The following DMD variants were observed in gnomAD, a reference collection of about 807,000 sequenced individuals.
The protein encoded by DMD is mutant dystrophin.
In DMD, 63 loss-of-function variants were observed where a neutral mutation model predicts 330.1. That is an observed-to-expected ratio of 0.19 (90% CI 0.16 to 0.24). The LOEUF (loss-of-function observed/expected upper bound fraction) is 0.24, where lower values mean the gene tolerates loss of function less well. Among genes scored for constraint, DMD ranks in the 10% least tolerant of loss-of-function variants. The pLI, the probability that DMD is intolerant of heterozygous loss-of-function variation, is 1.00. For synonymous variants in DMD, 1,223 were observed against 959.8 expected, an observed-to-expected ratio of 1.27 and a Z score of -5.07; for missense variants, 3,344 against 2,684.1, an observed-to-expected ratio of 1.25 and a Z score of -5.43.
intron 2 of DMD, among the ~76,000 whole-genome samples, chrX:32,877,439 T>A (rs2083462326): frequency 8.9e-6 from 1 of 112,603 alleles, no homozygotes; most frequent in South Asian, 3.6e-4. Flanking sequence ...TAGAAAATAT[T>A]TTTTCTTTTA....
At chrX:32,225,827 T>C (rs1046659820) in intron 43 of DMD, among the ~76,000 whole-genome samples, 1 of 110,348 alleles carries the variant, frequency 9.1e-6, no homozygotes, top group Non-Finnish European at 1.9e-5. Flanking sequence ...GAAACAGATG[T>C]TGCTATGCTT....
chrX:32,483,146 CATATAT>C lies in DMD; in HGVS notation c.2803+1767_2803+1772del, dbSNP rs201134649. On this transcript the variant is annotated intron_variant, in intron 21 of 78. Transcript: ENST00000357033. ...ATTTCATATGCTACATTTTTCATTC[CATATAT>C]ATATATATATATACACCATATTTAA... 6.1e-4 allele frequency among the ~76,000 whole-genome samples: 24 copies of C among 39,266 alleles called. 3 individuals carry two copies. Among genetic ancestry groups the C allele is most frequent in the African/African-American group, 1.1e-3 (17 of 15,783 alleles). 34.1% of individuals were successfully genotyped at this position (39,266 alleles called of 115,157 possible). A position where few individuals can be genotyped will look rare whatever the true frequency, so the allele number is the denominator to read the frequency against.
chrX:31,536,353 G>A (rs753796787), intron 55 of DMD, among the ~76,000 whole-genome samples: 11 of 111,246 alleles, frequency 9.9e-5, no homozygotes, highest in Non-Finnish European at 1.9e-4. Flanking sequence ...TAAAAAATTC[G>A]GGACTGTTTA....
intron 41 of DMD, among the ~76,000 whole-genome samples, chrX:32,315,370 TG>T (rs1316184907): frequency 1.1e-4 from 12 of 108,516 alleles, no homozygotes; most frequent in African/African-American, 4.0e-4. Flanking sequence ...TGTTGGCGGG[TG>T]GGGGGCAAGG....
At chrX:32,081,718 G>T (rs750415248) in intron 44 of DMD, among the ~76,000 whole-genome samples, 1 of 111,025 alleles carries the variant, frequency 9.0e-6, no homozygotes, top group Non-Finnish European at 1.9e-5. Flanking sequence ...GCCAGGCGTG[G>T]TAGTACTTGC....
At chrX:32,269,285 T>C (rs1199866935) in intron 43 of DMD, among the ~76,000 whole-genome samples, 3 of 111,102 alleles carry the variant, frequency 2.7e-5, no homozygotes, top group East Asian at 2.9e-4. Context: ...AAGGGAAGAA[T>C]TGGGGAGAAG....
chrX:31,536,471 G>A, intron 55 of DMD, among the ~76,000 whole-genome samples: 1 of 111,646 alleles, frequency 9.0e-6, no homozygotes, highest in Non-Finnish European at 1.9e-5. Flanking sequence ...ACTTGAAACT[G>A]CAAACAGAAT....
At chrX:31,674,458 G>C (rs2081972994) in intron 53 of DMD, among the ~76,000 whole-genome samples, 1 of 112,163 alleles carries the variant, frequency 8.9e-6, no homozygotes, top group African/African-American at 3.2e-5. Flanking sequence ...GAAAAGTATT[G>C]AATTTCTTGC....
intron 18 of DMD, among the ~76,000 whole-genome samples, chrX:32,511,774 T>C (rs1603635199): frequency 9.0e-6 from 1 of 111,353 alleles, no homozygotes. Context: ...TACATGCATA[T>C]ACATTTTTAA....
At chrX:32,351,469 C>A (rs1244822446) in intron 37 of DMD, among the ~76,000 whole-genome samples, 1 of 107,348 alleles carries the variant, frequency 9.3e-6, no homozygotes, top group African/African-American at 3.4e-5. Flanking sequence ...CACAGCCTTG[C>A]ATTTAGTTTA....
intron 44 of DMD, among the ~76,000 whole-genome samples, chrX:32,126,791 T>A (rs190592448): frequency 5.5e-4 from 62 of 111,767 alleles, no homozygotes; most frequent in African/African-American, 1.7e-3. Flanking sequence ...TTGGGGGATA[T>A]TAAGAGATCT....
intron 1 of DMD, among the ~76,000 whole-genome samples, chrX:33,067,001 C>T (rs752565968): frequency 8.9e-6 from 1 of 112,063 alleles, no homozygotes; most frequent in East Asian, 2.8e-4. Context: ...GACAGCTATT[C>T]ACAGGCCATC....
chrX:32,972,331 C>A (rs1055149713), intron 2 of DMD, among the ~76,000 whole-genome samples: 1 of 110,288 alleles, frequency 9.1e-6, no homozygotes, highest in Non-Finnish European at 1.9e-5. Context: ...GCATGCACCA[C>A]GACGCTCTGT....
At chrX:32,950,123 A>G (rs73466879) in intron 2 of DMD, among the ~76,000 whole-genome samples, 6,100 of 110,648 alleles carry the variant, frequency 0.055, 133 homozygotes, top group South Asian at 0.082. Context: ...TTATGTAGAC[A>G]GTAGTTGTGG....
intron 25 of DMD, 119 bp downstream of exon 25, chrX:32,463,320 G>T (rs937797054): frequency 1.2e-5 from 7 of 579,087 alleles, no homozygotes; most frequent in African/African-American, 1.2e-4. Flanking sequence ...AGAATTAATT[G>T]TGCTTTAAAG....
intron 1 of DMD, among the ~76,000 whole-genome samples, chrX:33,022,107 C>T (rs1481466125): frequency 9.0e-6 from 1 of 111,041 alleles, no homozygotes. Flanking sequence ...TTTGCAATTC[C>T]ACTTATATTT....
chrX:32,085,618 G>A (rs1346810001), intron 44 of DMD, among the ~76,000 whole-genome samples: 39 of 77,818 alleles, frequency 5.0e-4, no homozygotes, highest in African/African-American at 1.6e-3. Context: ...ATATATATAC[G>A]TATATATATA....
intron 52 of DMD, among the ~76,000 whole-genome samples, chrX:31,697,796 C>T (rs1199897568): frequency 1.8e-5 from 2 of 111,848 alleles, no homozygotes; most frequent in African/African-American, 6.5e-5. Context: ...CTGTACAGCA[C>T]GAGAATTAGA....
intron 51 of DMD, among the ~76,000 whole-genome samples, chrX:31,744,854 A>C (rs2087692236): frequency 8.9e-6 from 1 of 112,258 alleles, no homozygotes; most frequent in Non-Finnish European, 1.9e-5. Context: ...TGCATAACAC[A>C]TCACAGTAGG....
Sources: gnomAD v4.1 joint callset for allele counts (sites outside exome capture counted in the v4.1 genomes callset) on GRCh38, gnomAD v4.1.1 for gene constraint, MANE v1.5 for transcripts, NCBI Gene and HGNC (gene_info 2026-07-23, HGNC 2026-07-21) for gene names.